Variants in SULF2 observed in about 807,000 individuals in gnomAD.
SULF2 encodes extracellular sulfatase Sulf-2.
In SULF2, 52 loss-of-function variants were observed where a neutral mutation model predicts 107.7. The observed-to-expected ratio is 0.48, with a 90% CI of 0.39 to 0.61. The LOEUF is 0.61. SULF2 is among the 20% of genes least tolerant of loss of function. The pLI, the probability that SULF2 is intolerant of heterozygous loss-of-function variation, is 0.00. For synonymous variants in SULF2, 460 were observed against 464.3 expected (o/e 0.99, Z 0.12); for missense variants, 993 against 1,177.3 (o/e 0.84, Z 2.29).
intron 10 of SULF2, among the ~76,000 whole-genome samples, chr20:47,675,379 G>A (rs1346322071): frequency 3.3e-5 from 5 of 152,160 alleles, no homozygotes; most frequent in Non-Finnish European, 5.9e-5. Flanking sequence ...GCTGTACAAC[G>A]GAGGGATGAA....
At chr20:47,684,392 G>C (rs563447207) in intron 6 of SULF2, 39 bp downstream of exon 6, 2 of 1,564,532 alleles carry the variant, frequency 1.3e-6, no homozygotes, top group East Asian at 4.6e-5. Flanking sequence ...CTGGGGGTTC[G>C]GAGCCACGCC....
chr20:47,664,109 A>C (rs41302561), intron 15 of SULF2, 21 bp downstream of exon 15: 2 of 1,612,848 alleles, frequency 1.2e-6, no homozygotes, highest in Non-Finnish European at 1.7e-6. Flanking sequence ...TCTCTTCCCC[A>C]GGACCTCAAG....
intron 1 of SULF2, among the ~76,000 whole-genome samples, chr20:47,782,132 C>G (rs889678890): frequency 6.6e-6 from 1 of 152,130 alleles, no homozygotes; most frequent in Non-Finnish European, 1.5e-5. Flanking sequence ...CTAACTGATA[C>G]TCCATTTGCA....
At chr20:47,717,413 A>T (rs1431273604) in intron 3 of SULF2, among the ~76,000 whole-genome samples, 2 of 152,138 alleles carry the variant, frequency 1.3e-5, no homozygotes, top group Non-Finnish European at 2.9e-5. Context: ...TACCCTGTTC[A>T]GCCTCTCAGC....
intron 3 of SULF2, among the ~76,000 whole-genome samples, chr20:47,720,908 G>A (rs6090720): frequency 0.014 from 2,205 of 152,280 alleles, 54 homozygotes; most frequent in African/African-American, 0.051. Flanking sequence ...TGAAAAGGAA[G>A]CCCTTTTGCA....
chr20:47,684,200 C>T, intron 6 of SULF2: 1 of 450,438 alleles, frequency 2.2e-6, no homozygotes, highest in Non-Finnish European at 3.9e-6. Context: ...ATATAACTAG[C>T]ATATATGGTT....
In SULF2 at chr20:47,678,914, T is replaced by C. The variant is rs2087735457; in HGVS notation, c.1065-110A>G. On this transcript the variant is annotated intron_variant, in intron 7 of 20. Transcript: ENST00000688720. The surrounding 1 kb of genome is among the most constrained non-coding windows in gnomAD (Gnocchi z 4.5). ...CAGCAGTTTGTGGGAGGCTGACATCTGCAGGTATGGAAGCTGCAGTCTGGC... is the reference window on the plus strand; with the variant it reads ...CAGCAGTTTGTGGGAGGCTGACATCCGCAGGTATGGAAGCTGCAGTCTGGC... The C allele has an allele frequency of 2.2e-6, 2 of 911,266 alleles. No individual in the cohort carries two copies. The highest frequency in any genetic ancestry group is 1.5e-5 in the South Asian group (1 of 68,924). The allele number at this position is 911,266 out of a possible 1,614,324, so 56.4% of individuals were successfully genotyped here.
intron 1 of SULF2, 111 bp from the exon 2 acceptor site, chr20:47,757,574 CA>C: frequency 5.2e-6 from 3 of 576,364 alleles, no homozygotes; most frequent in Non-Finnish European, 8.9e-6. Flanking sequence ...TTTCTTTGAA[CA>C]GGGGTGGCTA....
chr20:47,736,700 C>T lies in SULF2; in HGVS notation c.415+3G>A, dbSNP rs2089738953. ...TCCTGCACCTGCCCCCGTCCCTGCT[C>T]ACCTGTCCGGTAGCCAGTGCTATTG... On this transcript the variant is annotated splice_donor_region_variant and intron_variant, in intron 3 of 20. Transcript: ENST00000688720. 3 of 1,614,084 alleles carry T rather than the reference C, an allele frequency of 1.9e-6. No individual in the cohort carries two copies. Among genetic ancestry groups the T allele is most frequent in the African/African-American group, 2.7e-5 (2 of 74,946 alleles).
Position 47,661,859 on chromosome 20 carries a change from A to T in SULF2, c.2408T>A (p.Leu803His). The T allele has an allele frequency of 1.9e-6, 3 of 1,595,344 alleles. No individual in the cohort carries two copies. The highest frequency in any genetic ancestry group is 2.6e-6 in the Non-Finnish European group (3 of 1,167,402). Reference protein sequence around the residue: ...NAVNTLDRDVLNQLHVQLMEL... With the variant: ...NAVNTLDRDVHNQLHVQLMEL... ...CATGAGCTGTACGTGTAGCTGGTTG[A>T]GGACATCCCTGTCCAGTGTGTTCAC... The change falls in exon 18 of 21, where the codon CTC (leucine) becomes CAC (histidine). Residue 803 changes from leucine (L) to histidine (H), a missense_variant. Transcript: ENST00000688720.
intron 3 of SULF2, among the ~76,000 whole-genome samples, chr20:47,727,013 A>G (rs896549826): frequency 6.8e-6 from 1 of 147,864 alleles, no homozygotes. Context: ...GAAGAGGGGA[A>G]GAGCGGCAGG....
intron 2 of SULF2, among the ~76,000 whole-genome samples, chr20:47,742,961 A>G (rs893629879): frequency 1.1e-5 from 1 of 89,406 alleles, no homozygotes; most frequent in Non-Finnish European, 2.1e-5. Context: ...TTTTTTTGCC[A>G]TTCCTGAGGC....
chr20:47,743,326 T>G (rs754530850), intron 2 of SULF2, among the ~76,000 whole-genome samples: 2 of 107,268 alleles, frequency 1.9e-5, no homozygotes, highest in Non-Finnish European at 3.6e-5. Context: ...GCTTTTTCTT[T>G]TGAGACAGGG....
chr20:47,742,426 CATA>C (rs1176103084), intron 2 of SULF2, among the ~76,000 whole-genome samples: 1 of 152,168 alleles, frequency 6.6e-6, no homozygotes, highest in Non-Finnish European at 1.5e-5. Flanking sequence ...ACCTTCCCAC[CATA>C]CTGGGTTGAG....
intron 1 of SULF2, among the ~76,000 whole-genome samples, chr20:47,763,020 C>A (rs964174204): frequency 5.9e-5 from 9 of 152,220 alleles, no homozygotes; most frequent in African/African-American, 1.9e-4. Flanking sequence ...AAAGATGACA[C>A]AAGGGATTCT....
At chr20:47,774,440 G>A (rs2146979628) in intron 1 of SULF2, among the ~76,000 whole-genome samples, 1 of 152,296 alleles carries the variant, frequency 6.6e-6, no homozygotes, top group South Asian at 2.1e-4. Flanking sequence ...CTCCTTTCAG[G>A]AGCCAGAAGC....
intron 1 of SULF2, among the ~76,000 whole-genome samples, chr20:47,782,381 T>C (rs1206105742): frequency 6.6e-6 from 1 of 152,232 alleles, no homozygotes; most frequent in Non-Finnish European, 1.5e-5. Flanking sequence ...AATTAGACAG[T>C]GCCTTCAATC....
chr20:47,715,083 T>A (rs569514003), intron 3 of SULF2, among the ~76,000 whole-genome samples: 1 of 147,108 alleles, frequency 6.8e-6, no homozygotes, highest in East Asian at 2.0e-4. Context: ...CATGCCCAGA[T>A]AACTTTTGTA....
chr20:47,660,429 G>A (rs1237324960), intron 18 of SULF2, among the ~76,000 whole-genome samples: 1 of 152,096 alleles, frequency 6.6e-6, no homozygotes. Context: ...TAGAGCCGAC[G>A]GTAGCGTCTG....
Sources: allele counts gnomAD v4.1 joint callset (sites outside exome capture counted in the v4.1 genomes callset), GRCh38; gene constraint gnomAD v4.1.1; non-coding constraint Gnocchi (gnomAD v3.1); transcripts MANE v1.5; gene names NCBI Gene and HGNC (gene_info 2026-07-23, HGNC 2026-07-21).